The following SLC17A6 variants were observed in gnomAD, a reference collection of about 807,000 sequenced individuals.
The protein encoded by SLC17A6 is vesicular glutamate transporter 2.
In SLC17A6, 35 loss-of-function variants were observed where a neutral mutation model predicts 67.1. The ratio of observed to expected loss-of-function variants is 0.52; its 90% confidence interval spans 0.40 to 0.69. The LOEUF (loss-of-function observed/expected upper bound fraction) is 0.69. SLC17A6 is among the 30% of genes least tolerant of loss of function. The pLI is 0.00. For missense variants in SLC17A6, 588 were observed against 723.9 expected (o/e 0.81, Z 2.15); for synonymous variants, 285 against 252.3 (o/e 1.13, Z -1.23).
chr11:22,340,374 A>G (rs1590375719), intron 1 of SLC17A6, among the ~76,000 whole-genome samples: 1 of 152,266 alleles, frequency 6.6e-6, no homozygotes, highest in African/African-American at 2.4e-5. Flanking sequence ...TTTCATGAAT[A>G]TGTTGTAGAC....
At chr11:22,375,921 T>G (rs1590396283) in intron 9 of SLC17A6, 61 bp from the exon 10 acceptor site, 2 of 1,170,330 alleles carry the variant, frequency 1.7e-6, no homozygotes, top group East Asian at 4.7e-5. Flanking sequence ...TTTTAGCAGT[T>G]TTGGCTCATT....
At chr11:22,346,420 T>C (rs992390410) in intron 3 of SLC17A6, among the ~76,000 whole-genome samples, 4 of 152,122 alleles carry the variant, frequency 2.6e-5, no homozygotes, top group Admixed American at 2.6e-4. Context: ...ACTTTCCTGA[T>C]CATTGAGAGG....
Position 22,346,766 on chromosome 11 carries a change from C to T in SLC17A6, c.458+3401C>T, listed in dbSNP as rs191875711. Reference sequence around the variant, plus strand: ...CTGGTTTTACCCTGTATTTAAATTGCTGTGAAGAACACGGACACGTGTTTA... The same window carrying T: ...CTGGTTTTACCCTGTATTTAAATTGTTGTGAAGAACACGGACACGTGTTTA... On this transcript the variant is annotated intron_variant, in intron 3 of 11. Transcript: ENST00000263160. 3.4e-3 allele frequency among the ~76,000 whole-genome samples: 505 copies of T among 149,892 alleles called. 1 individual carries two copies. Among genetic ancestry groups the T allele is most frequent in the African/African-American group, 0.012 (476 of 41,012 alleles).
At chr11:22,340,003 T>C (rs1444633277) in intron 1 of SLC17A6, among the ~76,000 whole-genome samples, 2 of 152,212 alleles carry the variant, frequency 1.3e-5, no homozygotes, top group Non-Finnish European at 2.9e-5. Context: ...GAATAAACAT[T>C]AACCTAGCCA....
In SLC17A6 at chr11:22,338,554, G is replaced by T. The variant is rs757004482; in HGVS notation, c.21G>T (p.Arg7Ser). MESVKQ[R>S]ILAPGKEGLK... Reference sequence around the variant, plus strand: ...CAAGAATGGAATCCGTAAAACAAAGGATTTTGGCCCCAGGAAAAGAGGGGC... The same window carrying T: ...CAAGAATGGAATCCGTAAAACAAAGTATTTTGGCCCCAGGAAAAGAGGGGC... The change falls in exon 1 of 12, where the codon AGG becomes AGT. Residue 7 changes from arginine (R) to serine (S), a missense_variant. Arg to Ser is a moderately radical substitution (Grantham distance 110). Coordinates refer to ENST00000263160, the MANE Select transcript of SLC17A6 (RefSeq NM_020346.3). The T allele has an allele frequency of 1.1e-5, 17 of 1,613,414 alleles. No homozygotes were observed. Among genetic ancestry groups the T allele is most frequent in the East Asian group, 2.2e-5 (1 of 44,864 alleles).
intron 9 of SLC17A6, among the ~76,000 whole-genome samples, chr11:22,375,334 T>C (rs1231785092): frequency 6.6e-6 from 1 of 151,496 alleles, no homozygotes; most frequent in African/African-American, 2.4e-5. Context: ...ATCACACCAT[T>C]GCACTCCAGC....
At chr11:22,343,001 C>CAGTAGT in intron 2 of SLC17A6, 1 of 584,796 alleles carries the variant, frequency 1.7e-6, no homozygotes, top group South Asian at 1.6e-5. Flanking sequence ...ATCTGCCTGA[C>CAGTAGT]AGTAGTCAGG....
chr11:22,360,304 C>T (rs894541787), intron 4 of SLC17A6, among the ~76,000 whole-genome samples: 8 of 151,802 alleles, frequency 5.3e-5, no homozygotes, highest in Admixed American at 1.3e-4. Context: ...GGGAGGGGAA[C>T]GACACACACT....
chr11:22,343,012 G>C, intron 2 of SLC17A6: 1 of 594,138 alleles, frequency 1.7e-6, no homozygotes, highest in South Asian at 1.6e-5. Flanking sequence ...AGTAGTCAGG[G>C]AGCAAAGCCA....
intron 6 of SLC17A6, among the ~76,000 whole-genome samples, chr11:22,364,972 T>C (rs539738610): frequency 6.6e-6 from 1 of 152,282 alleles, no homozygotes; most frequent in East Asian, 1.9e-4. Context: ...AAAGTGTTGT[T>C]ACCACATGAA....
intron 3 of SLC17A6, among the ~76,000 whole-genome samples, chr11:22,350,660 C>T (rs540236532): frequency 6.6e-6 from 1 of 152,116 alleles, no homozygotes; most frequent in Non-Finnish European, 1.5e-5. Flanking sequence ...ACATTTCTTT[C>T]CTTTTTTTCC....
chr11:22,362,266 A>G, intron 5 of SLC17A6: 1 of 458,162 alleles, frequency 2.2e-6, no homozygotes, highest in Non-Finnish European at 4.3e-6. Context: ...ATATGCCTTC[A>G]ATCATGGATA....
intron 3 of SLC17A6, among the ~76,000 whole-genome samples, chr11:22,352,668 A>C (rs1232780299): frequency 6.6e-6 from 1 of 152,212 alleles, no homozygotes; most frequent in South Asian, 2.1e-4. Flanking sequence ...TGGGGAATGT[A>C]CAACCTCATG....
chr11:22,344,053 C>T (rs1258295681), intron 3 of SLC17A6, among the ~76,000 whole-genome samples: 1 of 152,098 alleles, frequency 6.6e-6, no homozygotes. Context: ...GACCTAAGGA[C>T]CGATGGGGTG....
intron 3 of SLC17A6, among the ~76,000 whole-genome samples, chr11:22,351,587 T>C (rs1045964785): frequency 6.6e-6 from 1 of 152,212 alleles, no homozygotes; most frequent in African/African-American, 2.4e-5. Context: ...TATATCATTC[T>C]TTACTAAACA....
At chr11:22,348,006 A>G (rs1312600122) in intron 3 of SLC17A6, among the ~76,000 whole-genome samples, 2 of 152,218 alleles carry the variant, frequency 1.3e-5, no homozygotes, top group Non-Finnish European at 2.9e-5. Context: ...TGTAGCATAT[A>G]GTGAACCCCA....
At chr11:22,361,025 T>C in intron 5 of SLC17A6, 41 bp downstream of exon 5, 2 of 1,555,936 alleles carry the variant, frequency 1.3e-6, no homozygotes, top group Non-Finnish European at 1.8e-6. Context: ...GGCTAAAAGT[T>C]TAGGAACAAC....
chr11:22,339,090 G>T (rs1282582736), intron 1 of SLC17A6, among the ~76,000 whole-genome samples: 1 of 84,478 alleles, frequency 1.2e-5, no homozygotes, highest in South Asian at 4.2e-4. Flanking sequence ...ATATATATAT[G>T]TTATATATAT....
intron 3 of SLC17A6, among the ~76,000 whole-genome samples, chr11:22,347,242 AT>A (rs1855887640): frequency 1.4e-5 from 2 of 140,388 alleles, no homozygotes; most frequent in African/African-American, 5.4e-5. Context: ...GTGTTTGGGG[AT>A]TAAAAAAAAA....
Sources: allele counts gnomAD v4.1 joint callset (sites outside exome capture counted in the v4.1 genomes callset), GRCh38; gene constraint gnomAD v4.1.1; transcripts MANE v1.5; gene names NCBI Gene and HGNC (gene_info 2026-07-23, HGNC 2026-07-21).